SHANK2: variants seen among roughly 807,000 people sequenced by gnomAD.
The protein encoded by SHANK2 is SH3 and multiple ankyrin repeat domains 2.
In SHANK2, 43 loss-of-function variants were observed where a neutral mutation model predicts 133.7. That is an observed-to-expected ratio of 0.32 (90% CI 0.25 to 0.41). The LOEUF (loss-of-function observed/expected upper bound fraction) is 0.41. SHANK2 is among the 10% of genes least tolerant of loss of function. SHANK2 has a pLI of 1.00. For synonymous variants in SHANK2, 1,017 were observed against 952.8 expected (o/e 1.07, Z -1.24); for missense variants, 1,994 against 2,235.8 (o/e 0.89, Z 2.18).
At chr11:70,864,121 G>C in intron 11 of SHANK2, 1 of 267,952 alleles carries the variant, frequency 3.7e-6, no homozygotes. Context: ...TCTTCCTTGA[G>C]CTCTGGTCAC....
At chr11:70,796,907 G>A (rs531323997) in intron 14 of SHANK2, among the ~76,000 whole-genome samples, 1 of 152,150 alleles carries the variant, frequency 6.6e-6, no homozygotes, top group African/African-American at 2.4e-5. Context: ...CCAGCACCAG[G>A]ATAGTTGACA....
At chr11:70,920,515 T>C (rs1950334832) in intron 10 of SHANK2, among the ~76,000 whole-genome samples, 1 of 152,240 alleles carries the variant, frequency 6.6e-6, no homozygotes, top group Admixed American at 6.5e-5. Context: ...AAATATTCTA[T>C]AGAATTACAA....
chr11:71,073,130 TTTTTTC>T (rs1346534905), intron 9 of SHANK2, among the ~76,000 whole-genome samples: 28 of 143,912 alleles, frequency 1.9e-4, no homozygotes, highest in Admixed American at 2.9e-4. Flanking sequence ...GCTTTTTGTT[TTTTTTC>T]TTTTTCTTTT....
chr11:70,702,091 ATCACCATCTTCT>A (rs1313578873), intron 14 of SHANK2, among the ~76,000 whole-genome samples: 2 of 150,772 alleles, frequency 1.3e-5, no homozygotes, highest in Non-Finnish European at 2.9e-5. Flanking sequence ...CGCCATCATC[ATCACCATCTTCT>A]TCACCATCAT....
rs1555039174 is a variant in SHANK2 at position 70,757,453 on chromosome 11, C to T, written c.1777+40990G>A. On this transcript the variant is annotated intron_variant, in intron 14 of 25. Transcript: ENST00000601538. ...CCCCTACATGGAGAGGCCGGGACACCCAGCCCTGCGGCAGCAGCTCCCATG... is the reference window on the plus strand; with the variant it reads ...CCCCTACATGGAGAGGCCGGGACACTCAGCCCTGCGGCAGCAGCTCCCATG... 3.3e-5 allele frequency among the ~76,000 whole-genome samples: 5 copies of T among 152,244 alleles called. 1 individual carries two copies. In the South Asian group the frequency reaches 1.0e-3, roughly 32 times the overall value.
At chr11:71,075,104 T>G (rs1951201837) in intron 9 of SHANK2, 55 bp downstream of exon 9, 1 of 166,190 alleles carries the variant, frequency 6.0e-6, no homozygotes, top group African/African-American at 2.4e-5. Context: ...AGGCACTTTG[T>G]TTTGGAAATG....
At chr11:70,605,513 C>A (rs2060564688) in intron 17 of SHANK2, among the ~76,000 whole-genome samples, 1 of 152,242 alleles carries the variant, frequency 6.6e-6, no homozygotes, top group South Asian at 2.1e-4. Flanking sequence ...GCTGGGACCA[C>A]AGAGCCATGT....
intron 2 of SHANK2, among the ~76,000 whole-genome samples, chr11:71,151,946 C>A (rs12290770): frequency 6.6e-6 from 1 of 152,038 alleles, no homozygotes; most frequent in Non-Finnish European, 1.5e-5. Context: ...ACGAAGGGGG[C>A]GATGCTGGCA....
intron 11 of SHANK2, among the ~76,000 whole-genome samples, chr11:70,895,922 C>G (rs985240013): frequency 5.3e-5 from 8 of 151,866 alleles, no homozygotes; most frequent in Admixed American, 1.3e-4. Flanking sequence ...CCAGAGAGCC[C>G]CTGCCCCTCA....
At chr11:70,915,821 G>A (rs1176040453) in intron 10 of SHANK2, among the ~76,000 whole-genome samples, 2 of 152,196 alleles carry the variant, frequency 1.3e-5, no homozygotes, top group South Asian at 2.1e-4. Flanking sequence ...ATAAAATCAA[G>A]GCCATGCTTT....
chr11:71,122,739 G>A (rs1555101764), intron 3 of SHANK2, among the ~76,000 whole-genome samples: 1 of 152,150 alleles, frequency 6.6e-6, no homozygotes, highest in East Asian at 1.9e-4. Flanking sequence ...TGTCCCATCT[G>A]CAAACCCAGC....
chr11:70,552,099 G>A (rs937346635), intron 17 of SHANK2, among the ~76,000 whole-genome samples: 1 of 152,254 alleles, frequency 6.6e-6, no homozygotes, highest in Non-Finnish European at 1.5e-5. Context: ...CAATGCCTGA[G>A]GTCAGGGTGA....
At chr11:70,504,893 C>G (rs1026478536) in intron 17 of SHANK2, among the ~76,000 whole-genome samples, 1 of 152,164 alleles carries the variant, frequency 6.6e-6, no homozygotes, top group African/African-American at 2.4e-5. Context: ...TCTCCCCTCC[C>G]ATGAGCACAC....
At chr11:71,059,208 A>G (rs1240735579) in intron 9 of SHANK2, among the ~76,000 whole-genome samples, 2 of 152,178 alleles carry the variant, frequency 1.3e-5, no homozygotes, top group Non-Finnish European at 2.9e-5. Flanking sequence ...CAAGAGCGAA[A>G]CTCTGTCTCG....
At chr11:70,571,325 T>C (rs782756788) in intron 17 of SHANK2, 1 of 152,232 alleles carries the variant, frequency 6.6e-6, no homozygotes, top group Admixed American at 6.5e-5. Flanking sequence ...GCTGAGTGAC[T>C]TCCGGTGATC....
intron 17 of SHANK2, among the ~76,000 whole-genome samples, chr11:70,601,427 C>T (rs2060495528): frequency 6.6e-6 from 1 of 152,160 alleles, no homozygotes; most frequent in South Asian, 2.1e-4. Context: ...ACCATGTTGG[C>T]CAGGATGGTC....
chr11:70,659,313 G>C (rs1042828273), intron 17 of SHANK2, among the ~76,000 whole-genome samples: 4 of 152,042 alleles, frequency 2.6e-5, no homozygotes, highest in Non-Finnish European at 5.9e-5. Context: ...CCTCTTGCCC[G>C]GGCTCCTTGG....
chr11:70,566,428 A>G (rs1034879215), intron 17 of SHANK2: 4 of 152,182 alleles, frequency 2.6e-5, no homozygotes, highest in Admixed American at 2.0e-4. Context: ...GGAGTGGAAA[A>G]GTGACACTGC....
chr11:70,937,916 T>A (rs1555083689), intron 10 of SHANK2, among the ~76,000 whole-genome samples: 1 of 152,156 alleles, frequency 6.6e-6, no homozygotes, highest in African/African-American at 2.4e-5. Context: ...TCTCTCTTCA[T>A]TTGCATGTGT....
Sources: gnomAD v4.1 joint callset for allele counts (sites outside exome capture counted in the v4.1 genomes callset) on GRCh38, gnomAD v4.1.1 for gene constraint, MANE v1.5 for transcripts, NCBI Gene and HGNC (gene_info 2026-07-23, HGNC 2026-07-21) for gene names.